The following FRYL variants were observed in gnomAD, a reference collection of about 807,000 sequenced individuals.
The protein encoded by FRYL is protein furry homolog-like.
FRYL carries 150 observed loss-of-function variants against 351.2 expected under a neutral mutation model. The observed-to-expected ratio is 0.43, with a 90% CI of 0.37 to 0.49. The LOEUF is 0.49. Ranked by LOEUF, FRYL falls within the 20% of genes least tolerant of loss-of-function variation. The pLI is 0.00. For missense variants in FRYL, 3,036 were observed against 3,619.3 expected (o/e 0.84, Z 4.13); for synonymous variants, 1,153 against 1,257.1 (o/e 0.92, Z 1.75).
At chr4:48,747,178 G>A (rs1469233748) in intron 1 of FRYL, among the ~76,000 whole-genome samples, 2 of 145,192 alleles carry the variant, frequency 1.4e-5, no homozygotes, top group South Asian at 4.4e-4. Flanking sequence ...CCCAAAAAAA[G>A]ATTCCAGGAA....
At chr4:48,705,435 C>T (rs1767223674) in intron 2 of FRYL, among the ~76,000 whole-genome samples, 2 of 148,968 alleles carry the variant, frequency 1.3e-5, no homozygotes, top group Admixed American at 1.3e-4. Context: ...ATCAGTAATA[C>T]ACCACTAAGG....
At chr4:48,602,475 G>A (rs750481012) in intron 12 of FRYL, among the ~76,000 whole-genome samples, 2 of 152,112 alleles carry the variant, frequency 1.3e-5, no homozygotes, top group East Asian at 1.9e-4. Flanking sequence ...GTAACTTCAC[G>A]ATGGCTACAT....
chr4:48,531,782 C>T (rs1577972481), intron 49 of FRYL, among the ~76,000 whole-genome samples: 1 of 152,192 alleles, frequency 6.6e-6, no homozygotes, highest in Admixed American at 6.5e-5. Flanking sequence ...GAATACCTTC[C>T]TTTTTAGACA....
At chr4:48,520,190 T>TA (rs1724600115) in intron 55 of FRYL, among the ~76,000 whole-genome samples, 1 of 152,208 alleles carries the variant, frequency 6.6e-6, no homozygotes, top group African/African-American at 2.4e-5. Context: ...TTGAATGATC[T>TA]AAACCTTAGC....
In FRYL at chr4:48,546,260, C is replaced by T. The variant is rs1305156420; in HGVS notation, c.5086G>A (p.Asp1696Asn). The T allele has an allele frequency of 6.2e-6, 10 of 1,612,258 alleles. No individual in the cohort carries two copies. The highest frequency in any genetic ancestry group is 3.3e-5 in the South Asian group (3 of 91,008). Residue 1696 changes from aspartate (D) to asparagine (N), a missense_variant, in exon 42 of 64, where the codon GAT (aspartate) becomes AAT (asparagine). Transcript: ENST00000358350. ...GAGGGCTGGTAATCAGGTATAAAAT[C>T]GTTAATGCCTGCTGAAAGAGAAAGA... ...LDYNFTAGIN[D>N]FIPDYQPSPM...
chr4:48,557,425 G>A, intron 34 of FRYL, 28 bp downstream of exon 34: 8 of 1,610,814 alleles, frequency 5.0e-6, no homozygotes, highest in Non-Finnish European at 6.8e-6. Flanking sequence ...ATTCTGTGCA[G>A]CAATTATAAA....
At chr4:48,779,885 C>CCCGGG (rs1200892055) in intron 1 of FRYL, among the ~76,000 whole-genome samples, 193 bp downstream of exon 1, 1 of 151,752 alleles carries the variant, frequency 6.6e-6, no homozygotes, top group African/African-American at 2.4e-5. Flanking sequence ...CGAGCGCCGG[C>CCCGGG]CCGGGCCGCG....
chr4:48,769,087 T>C (rs1382312694), intron 1 of FRYL, among the ~76,000 whole-genome samples: 1 of 150,932 alleles, frequency 6.6e-6, no homozygotes, highest in Admixed American at 6.6e-5. Flanking sequence ...TGAACCATGA[T>C]TGCACCACTG....
chr4:48,701,675 TAGAC>T (rs1766733284), intron 2 of FRYL, among the ~76,000 whole-genome samples: 1 of 152,200 alleles, frequency 6.6e-6, no homozygotes. Context: ...TCCTTGTCAA[TAGAC>T]AGACTATTAC....
chr4:48,704,713 C>G (rs1767122748), intron 2 of FRYL, among the ~76,000 whole-genome samples: 3 of 152,024 alleles, frequency 2.0e-5, no homozygotes, highest in Non-Finnish European at 4.4e-5. Context: ...CTTTGGGAGG[C>G]TGAGGCAGGC....
rs1742870828 is a variant in FRYL, at chr4:48,589,777, C to A, written c.1608G>T (p.Gln536His). Residue 536 changes from glutamine to histidine, a missense_variant, in exon 18 of 64, where the codon CAG becomes CAT. Gln to His is a conservative substitution (Grantham distance 24). This residue lies in a region of FRYL where 78 missense variants were observed against 106.6 expected (regional missense o/e 0.73). Transcript: ENST00000358350. Reference protein sequence around the residue: ...VGRPMCMTSVQMSNKEPEDMI... With the variant: ...VGRPMCMTSVHMSNKEPEDMI... ...TGTCTTCAGGCTCCTTATTAGACATCTGCACACTGGTCATACACATTGGTC... is the reference window on the plus strand; with the variant it reads ...TGTCTTCAGGCTCCTTATTAGACATATGCACACTGGTCATACACATTGGTC... 6.2e-7 allele frequency: 1 copy of A among 1,613,806 alleles called. No homozygotes were observed. The highest frequency in any genetic ancestry group is 8.5e-7 in the Non-Finnish European group (1 of 1,179,874).
At chr4:48,745,954 T>TA (rs1772628584) in intron 1 of FRYL, among the ~76,000 whole-genome samples, 1 of 152,142 alleles carries the variant, frequency 6.6e-6, no homozygotes, top group African/African-American at 2.4e-5. Flanking sequence ...CTCAGTATCT[T>TA]AGAGTAAATA....
intron 1 of FRYL, among the ~76,000 whole-genome samples, chr4:48,732,245 A>G (rs1214304748): frequency 6.6e-6 from 1 of 152,230 alleles, no homozygotes; most frequent in African/African-American, 2.4e-5. Flanking sequence ...CACGCCAGTT[A>G]GAATGGTGAT....
chr4:48,504,919 A>T (rs1720578630), intron 60 of FRYL, among the ~76,000 whole-genome samples: 1 of 152,180 alleles, frequency 6.6e-6, no homozygotes. Flanking sequence ...GGTAGAATAT[A>T]AAAGACTGGA....
chr4:48,704,137 C>G (rs1767050492), intron 2 of FRYL, among the ~76,000 whole-genome samples: 1 of 151,974 alleles, frequency 6.6e-6, no homozygotes, highest in African/African-American at 2.4e-5. Flanking sequence ...CAGTTGAAAG[C>G]AGAACAGAGA....
At chr4:48,676,473 A>C (rs1049719247) in intron 3 of FRYL, among the ~76,000 whole-genome samples, 6 of 151,064 alleles carry the variant, frequency 4.0e-5, no homozygotes, top group Non-Finnish European at 8.8e-5. Context: ...CCAAGAAACC[A>C]CCAATTCCGG....
chr4:48,556,391 C>T (rs1297020082), intron 35 of FRYL, among the ~76,000 whole-genome samples: 4 of 152,200 alleles, frequency 2.6e-5, no homozygotes, highest in Non-Finnish European at 4.4e-5. Context: ...GTTCCTTTCT[C>T]CCCTGGAAGG....
rs191583778 is a variant in FRYL, at chr4:48,745,281, C to T, written c.-383-34583G>A. Among the ~76,000 whole-genome samples the T allele has an allele frequency of 5.1e-3, 780 of 152,270 alleles. 7 individuals carry two copies. Among genetic ancestry groups the T allele is most frequent in the African/African-American group, 0.018 (756 of 41,534 alleles). ...TATACCCAAAGGATTATAAATCATG[C>T]TGCTATAAAGACACATGCACACGTA... On this transcript the variant is annotated intron_variant, in intron 1 of 63. Coordinates refer to ENST00000358350, the MANE Select transcript of FRYL (RefSeq NM_015030.2).
chr4:48,588,647 C>T (rs1300584556), intron 18 of FRYL, among the ~76,000 whole-genome samples: 1 of 152,004 alleles, frequency 6.6e-6, no homozygotes, highest in Admixed American at 6.5e-5. Context: ...TGGAAAACAC[C>T]CTCAACCCAA....
Sources: gnomAD v4.1 joint callset for allele counts (sites outside exome capture counted in the v4.1 genomes callset) on GRCh38, gnomAD v4.1.1 for gene constraint, gnomAD v4.1.1 regional missense constraint, MANE v1.5 for transcripts, NCBI Gene and HGNC (gene_info 2026-07-23, HGNC 2026-07-21) for gene names.